The following SCAPER variants were observed in gnomAD, a reference collection of about 807,000 sequenced individuals.
SCAPER encodes S-phase cyclin A associated protein in the ER, also known as S phase cyclin A-associated protein in the endoplasmic reticulum.
A neutral mutation model predicts 182.2 loss-of-function variants in SCAPER; 98 were observed. The observed-to-expected ratio is 0.54, with a 90% CI of 0.46 to 0.64. The LOEUF (loss-of-function observed/expected upper bound fraction) is 0.64. Among genes scored for constraint, SCAPER ranks in the 30% least tolerant of loss-of-function variants. The probability of loss-of-function intolerance (pLI) is 0.00; values close to 1 mark genes in which losing one functional copy is unlikely to be tolerated. For missense variants in SCAPER, 1,432 were observed against 1,690.0 expected, an observed-to-expected ratio of 0.85 and a Z score of 2.68; for synonymous variants, 605 against 564.6, an observed-to-expected ratio of 1.07 and a Z score of -1.01.
At chr15:76,890,043 T>C (rs2074078215) in intron 1 of SCAPER, among the ~76,000 whole-genome samples, 1 of 152,258 alleles carries the variant, frequency 6.6e-6, no homozygotes, top group African/African-American at 2.4e-5. Context: ...ACATGGAAAC[T>C]GAACAACCTG....
intron 20 of SCAPER, among the ~76,000 whole-genome samples, chr15:76,685,002 C>T (rs1023229107): frequency 1.3e-5 from 2 of 151,680 alleles, no homozygotes; most frequent in Non-Finnish European, 2.9e-5. Flanking sequence ...TAGTAGTGAA[C>T]AGAATATTAG....
intron 20 of SCAPER, among the ~76,000 whole-genome samples, chr15:76,672,615 C>G (rs976429719): frequency 1.3e-5 from 2 of 151,858 alleles, no homozygotes; most frequent in Admixed American, 1.3e-4. Context: ...ATAAACACAA[C>G]AAATAATGCC....
At chr15:76,883,495 G>A (rs2073686129) in intron 2 of SCAPER, among the ~76,000 whole-genome samples, 1 of 152,156 alleles carries the variant, frequency 6.6e-6, no homozygotes, top group South Asian at 2.1e-4. Flanking sequence ...GCTAGACCCT[G>A]GGTAGGAGGC....
Position 76,603,409 on chromosome 15 carries a change from G to A in SCAPER, c.2711+18355C>T, listed in dbSNP as rs1318325613. ...GTATTCCATGGTGTATATGTGCCAC[G>A]TTTTCTTAATCCAGTCTATGGTTCT... On this transcript the variant is annotated intron_variant, in intron 22 of 31. Transcript: ENST00000563290. 3.3e-5 allele frequency among the ~76,000 whole-genome samples: 4 copies of A among 121,534 alleles called. 1 individual carries two copies. The highest frequency in any genetic ancestry group is 6.0e-5 in the Non-Finnish European group (3 of 49,996). The allele number at this position is 121,534 out of a possible 152,430, so 79.7% of individuals were successfully genotyped here.
intron 15 of SCAPER, among the ~76,000 whole-genome samples, chr15:76,750,119 T>C (rs2062006617): frequency 6.6e-6 from 1 of 151,616 alleles, no homozygotes; most frequent in African/African-American, 2.4e-5. Context: ...ATTAAAGCAA[T>C]TCAATGTAAA....
At chr15:76,814,389 A>T (rs2066904321) in intron 5 of SCAPER, among the ~76,000 whole-genome samples, 2 of 152,240 alleles carry the variant, frequency 1.3e-5, no homozygotes, top group Non-Finnish European at 2.9e-5. Context: ...TCTAAACTGT[A>T]ATGACAGGCA....
intron 15 of SCAPER, among the ~76,000 whole-genome samples, chr15:76,735,697 C>A (rs1256573077): frequency 0.013 from 1,426 of 105,872 alleles, no homozygotes; most frequent in African/African-American, 0.022. Flanking sequence ...GACTCCGTCT[C>A]AAAAAAAAAA....
At chr15:76,733,405 T>G in intron 15 of SCAPER, 21 bp from the exon 16 acceptor site, 1 of 1,608,198 alleles carries the variant, frequency 6.2e-7, no homozygotes, top group Admixed American at 1.7e-5. Context: ...ACAAAGAAGG[T>G]AAGGTTCAGA....
intron 9 of SCAPER, among the ~76,000 whole-genome samples, 159 bp downstream of exon 9, chr15:76,774,696 G>A (rs748613510): frequency 6.6e-6 from 1 of 152,160 alleles, no homozygotes; most frequent in Non-Finnish European, 1.5e-5. Flanking sequence ...CAGTATGGGA[G>A]GAGTTCGTTG....
intron 8 of SCAPER, among the ~76,000 whole-genome samples, chr15:76,784,582 A>C (rs1338703913): frequency 6.6e-6 from 1 of 152,236 alleles, no homozygotes; most frequent in African/African-American, 2.4e-5. Context: ...TGTCAAGACA[A>C]TCCTACGCAA....
At chr15:76,557,555 A>G (rs1392868652) in intron 23 of SCAPER, among the ~76,000 whole-genome samples, 1 of 152,104 alleles carries the variant, frequency 6.6e-6, no homozygotes, top group Admixed American at 6.5e-5. Flanking sequence ...CTGTTTGTTT[A>G]AAAGTGTGTG....
At chr15:76,838,391 C>T (rs910635973) in intron 5 of SCAPER, among the ~76,000 whole-genome samples, 3 of 152,156 alleles carry the variant, frequency 2.0e-5, no homozygotes, top group Non-Finnish European at 2.9e-5. Flanking sequence ...GACACTGGGG[C>T]CCAACTCCAT....
At chr15:76,381,107 C>T (rs1224659491) in intron 28 of SCAPER, 11 of 184,486 alleles carry the variant, frequency 6.0e-5, no homozygotes, top group Non-Finnish European at 1.2e-4. Flanking sequence ...ACCTTGGGCA[C>T]ATTACTTAAC....
rs1253189976 is a variant in SCAPER, at chr15:76,598,152, G to A, written c.2711+23612C>T. Among the ~76,000 whole-genome samples the A allele has an allele frequency of 2.5e-5, 3 of 119,566 alleles. 1 individual carries two copies. The highest frequency in any genetic ancestry group is 6.1e-5 in the Non-Finnish European group (3 of 49,554). 78.4% of individuals were successfully genotyped at this position (119,566 alleles called of 152,430 possible). ...AAAAAGTGGGTGATGGATATGAACA[G>A]ACACTTCTCAAAAGAAGACATTTAT... is the stretch of plus-strand genomic sequence containing the variant. On this transcript the variant is annotated intron_variant, in intron 22 of 31. Coordinates refer to ENST00000563290, the MANE Select transcript of SCAPER (RefSeq NM_020843.4).
chr15:76,553,238 G>A lies in SCAPER; in HGVS notation c.2838+20920C>T, dbSNP rs539040890. Among the ~76,000 whole-genome samples, 3 of 152,300 alleles carry A rather than the reference G, an allele frequency of 2.0e-5. No homozygotes were observed. The East Asian group carries it at 5.8e-4, about 29-fold the overall frequency. ...ACCACGTAGAGCATGCTGCTGCATT[G>A]CAAGTGCCTGTGCAGATGCCAGAAC... On this transcript the variant is annotated intron_variant, in intron 23 of 31. Coordinates refer to ENST00000563290, the MANE Select transcript of SCAPER (RefSeq NM_020843.4).
rs1011481629 is a variant in SCAPER, at chr15:76,734,523, T to C, written c.1867-1139A>G. Among the ~76,000 whole-genome samples the C allele has an allele frequency of 1.2e-4, 18 of 152,324 alleles. 1 individual carries two copies. The highest frequency in any genetic ancestry group is 3.8e-4 in the African/African-American group (16 of 41,580). On this transcript the variant is annotated intron_variant, in intron 15 of 31. Coordinates refer to ENST00000563290, the MANE Select transcript of SCAPER (RefSeq NM_020843.4). The stretch of plus-strand genomic sequence containing the variant: ...TCTCCATGCCATGATACCACTTTCA[T>C]AAGCACTTTAATAAGTAGATTAATC...
chr15:76,423,315 C>T (rs932804259), intron 26 of SCAPER, among the ~76,000 whole-genome samples: 7 of 152,268 alleles, frequency 4.6e-5, no homozygotes, highest in African/African-American at 1.7e-4. Context: ...TTGGTCTATT[C>T]AGAGATTCAA....
chr15:76,605,417 C>T (rs1053689377), intron 22 of SCAPER, among the ~76,000 whole-genome samples: 9 of 152,090 alleles, frequency 5.9e-5, no homozygotes, highest in East Asian at 5.8e-4. Flanking sequence ...CTGCTGGATT[C>T]GGTTTGCCAG....
intron 23 of SCAPER, among the ~76,000 whole-genome samples, chr15:76,532,180 C>A (rs1425700776): frequency 1.3e-5 from 2 of 152,158 alleles, no homozygotes; most frequent in African/African-American, 2.4e-5. Flanking sequence ...TTCCCCAAGG[C>A]ACACATCCAG....
Sources: allele counts gnomAD v4.1 joint callset (sites outside exome capture counted in the v4.1 genomes callset), GRCh38; gene constraint gnomAD v4.1.1; transcripts MANE v1.5; gene names NCBI Gene and HGNC (gene_info 2026-07-23, HGNC 2026-07-21).